KCNQ1OT1: variants seen among roughly 807,000 people sequenced by gnomAD.
The protein encoded by KCNQ1OT1 is KCNQ1 antisense RNA 2 (non-protein coding).
Position 2,608,853 on chromosome 11 carries a change from C to G in KCNQ1OT1, n.91142G>C, listed in dbSNP as rs565075529. 1 of 398,406 alleles carries G rather than the reference C, an allele frequency of 2.5e-6. No homozygotes were observed. Among genetic ancestry groups the G allele is most frequent in the South Asian group, 1.3e-4 (1 of 7,850 alleles). 24.7% of individuals were successfully genotyped at this position (398,406 alleles called of 1,614,324 possible). A position where few individuals can be genotyped will look rare whatever the true frequency, so the allele number is the denominator to read the frequency against. ...CTGATTTTAGTAATTTGAGTTTTCT[C>G]TCTCCCCCTTTGCCTCATGCACTTC... On this transcript the variant is annotated non_coding_transcript_exon_variant, in exon 1 of 1. Coordinates refer to ENST00000597346, the Ensembl canonical transcript of KCNQ1OT1. The surrounding 1 kb of genome is among the most constrained non-coding windows in gnomAD (Gnocchi z 4.6).
Position 2,679,788 on chromosome 11 carries a change from G to T in KCNQ1OT1, n.20207C>A. On this transcript the variant is annotated non_coding_transcript_exon_variant, in exon 1 of 1. Coordinates refer to ENST00000597346, the Ensembl canonical transcript of KCNQ1OT1. The surrounding 1 kb of genome is among the most constrained non-coding windows in gnomAD (Gnocchi z 4.8). ...CTGCACACTAGGGCCTGTTAGGCCA[G>T]TTGAGGGCTAGAGGAGCACAAGGGG... The T allele has an allele frequency of 2.5e-6, 1 of 398,646 alleles. No homozygotes were observed. Among genetic ancestry groups the T allele is most frequent in the East Asian group, 3.6e-5 (1 of 28,076 alleles). The allele number at this position is 398,646 out of a possible 1,614,324, so 24.7% of individuals were successfully genotyped here. A position where few individuals can be genotyped will look rare whatever the true frequency, so the allele number is the denominator to read the frequency against.
chr11:2,618,625 T>C (rs574157790), exon 1 of KCNQ1OT1: 1 of 398,596 alleles, frequency 2.5e-6, no homozygotes, highest in South Asian at 1.3e-4. Context: ...CCAGAAAGTA[T>C]GAAGTCTCCC....
chr11:2,661,531 C>G lies in KCNQ1OT1; in HGVS notation n.38464G>C, dbSNP rs1849955946. ...CAGAGGTCCTATCACCCCATCTTTC[C>G]TGACCCACTACTCTGTCAATGTATG... On this transcript the variant is annotated non_coding_transcript_exon_variant, in exon 1 of 1. Coordinates refer to ENST00000597346, the Ensembl canonical transcript of KCNQ1OT1. The surrounding 1 kb of genome is among the most constrained non-coding windows in gnomAD (Gnocchi z 5.9). 2 of 488,762 alleles carry G rather than the reference C, an allele frequency of 4.1e-6. No individual in the cohort carries two copies. The highest frequency in any genetic ancestry group is 7.2e-6 in the Non-Finnish European group (2 of 278,348). The allele number at this position is 488,762 out of a possible 1,614,324, so 30.3% of individuals were successfully genotyped here.
Position 2,647,137 on chromosome 11 carries a change from A to G in KCNQ1OT1, n.52858T>C. ...TGTCATATATGACCTTCATTGAGTT[A>G]TGTTCCTTCTAGACATTATGTGATG... is the stretch of plus-strand genomic sequence containing the variant. On this transcript the variant is annotated non_coding_transcript_exon_variant, in exon 1 of 1. Transcript: ENST00000597346. The surrounding 1 kb of genome is among the most constrained non-coding windows in gnomAD (Gnocchi z 4.0). 2.5e-6 allele frequency: 1 copy of G among 398,336 alleles called. No homozygotes were observed. Among genetic ancestry groups the G allele is most frequent in the Non-Finnish European group, 4.4e-6 (1 of 226,018 alleles). 24.7% of individuals were successfully genotyped at this position (398,336 alleles called of 1,614,324 possible). A position where few individuals can be genotyped will look rare whatever the true frequency, so the allele number is the denominator to read the frequency against.
At chr11:2,665,580 G>A in exon 1 of KCNQ1OT1, 1 of 395,596 alleles carries the variant, frequency 2.5e-6, no homozygotes, top group Admixed American at 4.5e-5. Flanking sequence ...TCTTTCCAAC[G>A]TCTGCTCAGT....
chr11:2,696,745 T>C (rs74472063), exon 1 of KCNQ1OT1: 4,779 of 398,588 alleles, frequency 0.012, 203 homozygotes, highest in African/African-American at 0.089. Flanking sequence ...AATAGAGTTT[T>C]AAAATTTTTT....
At chr11:2,688,727 C>G (rs186986922) in exon 1 of KCNQ1OT1, 40 of 398,924 alleles carry the variant, frequency 1.0e-4, no homozygotes, top group African/African-American at 8.2e-4. Context: ...TTGGGTGGCC[C>G]GGCTCTGAGC....
chr11:2,699,652 C>CGAAGAACCCCCGGGGACAACCGCGCT (rs1850751876), exon 1 of KCNQ1OT1: 1 of 357,294 alleles, frequency 2.8e-6, no homozygotes, highest in Admixed American at 4.7e-5. Flanking sequence ...ACAACCGCGC[C>CGAAGAACCCCCGGGGACAACCGCGCT]GAAGAACCCC....
chr11:2,675,619 G>C, exon 1 of KCNQ1OT1: 1 of 398,608 alleles, frequency 2.5e-6, no homozygotes, highest in Non-Finnish European at 4.4e-6. Context: ...AGGGTGGAGA[G>C]CACCCCTTAT....
chr11:2,646,899 T>G, exon 1 of KCNQ1OT1: 1 of 398,650 alleles, frequency 2.5e-6, no homozygotes, highest in Non-Finnish European at 4.4e-6. Flanking sequence ...GGTGGAATCT[T>G]TAGGTTTTTC....
exon 1 of KCNQ1OT1, chr11:2,685,236 C>A: frequency 2.5e-6 from 1 of 398,660 alleles, no homozygotes; most frequent in South Asian, 1.3e-4. Context: ...CTACTTCAGT[C>A]CTCCCATTAC....
exon 1 of KCNQ1OT1, chr11:2,610,335 G>A (rs554819986): frequency 3.8e-5 from 15 of 397,860 alleles, no homozygotes; most frequent in South Asian, 2.6e-4. Context: ...TTTATTATGC[G>A]CTATTATAAT....
chr11:2,615,047 AT>A, exon 1 of KCNQ1OT1: 1 of 398,294 alleles, frequency 2.5e-6, no homozygotes, highest in Non-Finnish European at 4.4e-6. Context: ...AGTTCTATTT[AT>A]TTAAGTCTTC....
In KCNQ1OT1 at chr11:2,699,508, GC is replaced by G. The variant is rs997937565; in HGVS notation, n.486del. The G allele has an allele frequency of 7.3e-5, 13 of 178,114 alleles. 1 individual carries two copies. Among genetic ancestry groups the G allele is most frequent in the Non-Finnish European group, 1.1e-4 (12 of 111,758 alleles). The allele number at this position is 178,114 out of a possible 1,614,324, so 11.0% of individuals were successfully genotyped here. A position where few individuals can be genotyped will look rare whatever the true frequency, so the allele number is the denominator to read the frequency against. On this transcript the variant is annotated non_coding_transcript_exon_variant, in exon 1 of 1. Transcript: ENST00000597346. Reference sequence around the variant, plus strand: ...CCCGGGGAGAGTGCCGCGCTGAGGAGCCCCCAGGAGAGTGCCGCGCTGAGGA... The same window carrying G: ...CCCGGGGAGAGTGCCGCGCTGAGGAGCCCCAGGAGAGTGCCGCGCTGAGGA...
rs1053555701 is a variant in KCNQ1OT1 at position 2,678,659 on chromosome 11, G to T, written n.21336C>A. 6 of 398,450 alleles carry T rather than the reference G, an allele frequency of 1.5e-5. No homozygotes were observed. The highest frequency in any genetic ancestry group is 4.4e-5 in the Admixed American group (1 of 22,710). 24.7% of individuals were successfully genotyped at this position (398,450 alleles called of 1,614,324 possible). ...TGGGAAGCTCATTTTCACAAATGCA[G>T]TCAACCAGGGGAATTCATGGCATGG... On this transcript the variant is annotated non_coding_transcript_exon_variant, in exon 1 of 1. Coordinates refer to ENST00000597346, the Ensembl canonical transcript of KCNQ1OT1. This position sits in a 1 kb window ranked among gnomAD's most constrained non-coding sequence, Gnocchi z 4.9.
In KCNQ1OT1 at chr11:2,627,734, T is replaced by TAC. The variant is rs368697384; in HGVS notation, n.72259_72260dup. ...ATGTGTTTATTTGGGAATTTGGTGATACACACACACACACTATTTTCTTCC... is the reference window on the plus strand; with the variant it reads ...ATGTGTTTATTTGGGAATTTGGTGATACACACACACACACACTATTTTCTTCC... On this transcript the variant is annotated non_coding_transcript_exon_variant, in exon 1 of 1. Coordinates refer to ENST00000597346, the Ensembl canonical transcript of KCNQ1OT1. The surrounding 1 kb of genome is among the most constrained non-coding windows in gnomAD (Gnocchi z 4.9). The TAC allele has an allele frequency of 3.0e-3, 1,205 of 397,862 alleles. 6 individuals are homozygous for TAC. Among genetic ancestry groups the TAC allele is most frequent in the African/African-American group, 0.021 (1,020 of 48,598 alleles). 24.6% of individuals were successfully genotyped at this position (397,862 alleles called of 1,614,324 possible).
chr11:2,612,262 T>A lies in KCNQ1OT1; in HGVS notation n.87733A>T. The A allele has an allele frequency of 2.5e-6, 1 of 398,642 alleles. No individual in the cohort carries two copies. The highest frequency in any genetic ancestry group is 4.4e-6 in the Non-Finnish European group (1 of 226,064). The allele number at this position is 398,642 out of a possible 1,614,324, so 24.7% of individuals were successfully genotyped here. A position where few individuals can be genotyped will look rare whatever the true frequency, so the allele number is the denominator to read the frequency against. On this transcript the variant is annotated non_coding_transcript_exon_variant, in exon 1 of 1. Transcript: ENST00000597346. The surrounding 1 kb of genome is among the most constrained non-coding windows in gnomAD (Gnocchi z 5.5). ...GATTCTCACAGAGAGCAAATCCTATTGTGAACTGAGCATGTGAGGGATCTA... is the reference window on the plus strand; with the variant it reads ...GATTCTCACAGAGAGCAAATCCTATAGTGAACTGAGCATGTGAGGGATCTA...
At chr11:2,646,339 T>G (rs1849665085) in exon 1 of KCNQ1OT1, 1 of 398,518 alleles carries the variant, frequency 2.5e-6, no homozygotes, top group South Asian at 1.3e-4. Context: ...TCCATGAGCA[T>G]GGGATGTCTC....
chr11:2,687,544 C>T lies in KCNQ1OT1; in HGVS notation n.12451G>A, dbSNP rs1397333546. 2 of 398,608 alleles carry T rather than the reference C, an allele frequency of 5.0e-6. No homozygotes were observed. The highest frequency in any genetic ancestry group is 2.1e-5 in the African/African-American group (1 of 48,620). The allele number at this position is 398,608 out of a possible 1,614,324, so 24.7% of individuals were successfully genotyped here. On this transcript the variant is annotated non_coding_transcript_exon_variant, in exon 1 of 1. Coordinates refer to ENST00000597346, the Ensembl canonical transcript of KCNQ1OT1. The surrounding 1 kb of genome is among the most constrained non-coding windows in gnomAD (Gnocchi z 5.0). ...TCTGTATGGTCCCTTCCCTGGTGCA[C>T]CTACCACAGCCCACTCTGATGACCC...
Sources: allele counts gnomAD v4.1 joint callset, GRCh38; gene constraint gnomAD v4.1.1; non-coding constraint Gnocchi (gnomAD v3.1); transcripts MANE v1.5; gene names NCBI Gene and HGNC (gene_info 2026-07-23, HGNC 2026-07-21).